Variants in ATP6V1A observed in about 807,000 individuals in gnomAD.
The protein encoded by ATP6V1A is V-type proton ATPase catalytic subunit A.
A neutral mutation model predicts 70.1 loss-of-function variants in ATP6V1A; 18 were observed. The observed-to-expected ratio is 0.26, with a 90% CI of 0.18 to 0.38. The LOEUF is 0.38. Ranked by LOEUF, ATP6V1A falls within the 10% of genes least tolerant of loss-of-function variation. The pLI is 1.00. For missense variants in ATP6V1A, 424 were observed against 772.4 expected, an observed-to-expected ratio of 0.55 and a Z score of 5.35; for synonymous variants, 232 against 253.8, an observed-to-expected ratio of 0.91 and a Z score of 0.82.
intron 12 of ATP6V1A, among the ~76,000 whole-genome samples, chr3:113,800,629 T>A (rs1178603729): frequency 1.3e-5 from 2 of 152,188 alleles, no homozygotes; most frequent in Non-Finnish European, 2.9e-5. Flanking sequence ...GATTCATAAT[T>A]TACGTGGGAA....
At position 113,780,861 on chromosome 3, in the gene ATP6V1A, C is replaced by T. The variant is rs1708969945; in HGVS notation, c.83-189C>T. Reference sequence around the variant, plus strand: ...TGTAAATAAATAATCTTTGGCTTACCTCTTTATATTATACACTAAAATATA... The same window carrying T: ...TGTAAATAAATAATCTTTGGCTTACTTCTTTATATTATACACTAAAATATA... On this transcript the variant is annotated intron_variant, in intron 2 of 14. Transcript: ENST00000273398. The T allele has an allele frequency of 3.0e-6, 4 of 1,331,490 alleles. No individual in the cohort carries two copies. The South Asian group carries it at 5.4e-5, about 18-fold the overall frequency. 82.5% of individuals were successfully genotyped at this position (1,331,490 alleles called of 1,614,324 possible). A position where few individuals can be genotyped will look rare whatever the true frequency, so the allele number is the denominator to read the frequency against.
chr3:113,762,772 G>A (rs919502077), intron 1 of ATP6V1A, among the ~76,000 whole-genome samples: 2 of 151,208 alleles, frequency 1.3e-5, no homozygotes, highest in Admixed American at 6.6e-5. Flanking sequence ...TACATTTTGT[G>A]GGGGGGGAAT....
chr3:113,781,491 C>T (rs1258766155), intron 3 of ATP6V1A, among the ~76,000 whole-genome samples: 1 of 151,920 alleles, frequency 6.6e-6, no homozygotes, highest in African/African-American at 2.4e-5. Context: ...GCACTCCAGC[C>T]TGGGCAACAG....
intron 1 of ATP6V1A, among the ~76,000 whole-genome samples, chr3:113,766,818 G>A (rs1708776908): frequency 6.6e-6 from 1 of 152,094 alleles, no homozygotes; most frequent in South Asian, 2.1e-4. Context: ...GCTTTCGATG[G>A]CAAAACAGCA....
intron 1 of ATP6V1A, among the ~76,000 whole-genome samples, chr3:113,753,150 A>G (rs1479797087): frequency 6.6e-6 from 1 of 152,224 alleles, no homozygotes; most frequent in Admixed American, 6.5e-5. Flanking sequence ...AAAAATATGG[A>G]TAAAACATGT....
At chr3:113,782,557 C>CACGTATATATATAT (rs1708988848) in intron 3 of ATP6V1A, among the ~76,000 whole-genome samples, 6 of 133,252 alleles carry the variant, frequency 4.5e-5, no homozygotes, top group Admixed American at 3.0e-4. Flanking sequence ...TATATATATA[C>CACGTATATATATAT]ATGTGTATAT....
chr3:113,765,762 CAAAAAA>C (rs398052207), intron 1 of ATP6V1A, among the ~76,000 whole-genome samples: 2 of 127,316 alleles, frequency 1.6e-5, no homozygotes, highest in Non-Finnish European at 3.4e-5. Flanking sequence ...ACTAAAAATA[CAAAAAA>C]AAAAAAAAGG....
intron 12 of ATP6V1A, among the ~76,000 whole-genome samples, chr3:113,800,563 G>GA (rs1709199992): frequency 6.6e-6 from 1 of 151,848 alleles, no homozygotes; most frequent in Non-Finnish European, 1.5e-5. Flanking sequence ...CTATTTGAAG[G>GA]AAAAAAACAA....
intron 1 of ATP6V1A, among the ~76,000 whole-genome samples, chr3:113,770,431 A>G (rs1362958348): frequency 6.6e-6 from 1 of 152,112 alleles, no homozygotes; most frequent in Admixed American, 6.5e-5. Context: ...TAATCCCAGC[A>G]CTTTGGGAGG....
At position 113,805,496 on chromosome 3, in the gene ATP6V1A, C is replaced by T; in HGVS notation, c.1732C>T (p.Leu578Phe). Residue 578 changes from leucine (L) to phenylalanine (F), a missense_variant, in exon 14 of 15, where the codon CTC becomes TTC. Physicochemically the swap from Leu to Phe is conservative, Grantham distance 22. This residue lies in a region of ATP6V1A where 127 missense variants were observed against 207.9 expected (regional missense o/e 0.61). Transcript: ENST00000273398. ...TATTCGTGAGCACATGGGAGACATC[C>T]TCTATAAACTTTCCTCCATGAAATT... is the stretch of plus-strand genomic sequence containing the variant. ...SIIREHMGDI[L>F]YKLSSMKFKD... 1.2e-6 allele frequency: 2 copies of T among 1,612,688 alleles called. No homozygotes were observed. Among genetic ancestry groups the T allele is most frequent in the Non-Finnish European group, 1.7e-6 (2 of 1,179,464 alleles).
At chr3:113,760,053 T>A (rs1708685499) in intron 1 of ATP6V1A, among the ~76,000 whole-genome samples, 1 of 152,222 alleles carries the variant, frequency 6.6e-6, no homozygotes, top group Admixed American at 6.5e-5. Context: ...AGCAGGCAGT[T>A]AATTTCTTAG....
At chr3:113,796,511 A>T (rs115413701) in intron 11 of ATP6V1A, among the ~76,000 whole-genome samples, 361 of 152,356 alleles carry the variant, frequency 2.4e-3, no homozygotes, top group African/African-American at 8.3e-3. Flanking sequence ...TCCAGGTGAA[A>T]GCAAGGCTGG....
chr3:113,776,508 ATT>A (rs1202199568), intron 1 of ATP6V1A, among the ~76,000 whole-genome samples: 2 of 152,166 alleles, frequency 1.3e-5, no homozygotes, highest in Non-Finnish European at 2.9e-5. Context: ...CATTTAAGTC[ATT>A]TTGTTTTGCT....
chr3:113,780,992 G>T, intron 2 of ATP6V1A, 58 bp from the exon 3 acceptor site: 1 of 1,531,612 alleles, frequency 6.5e-7, no homozygotes, highest in East Asian at 2.3e-5. Context: ...AATTATTTGT[G>T]ACTATTCACA....
chr3:113,752,467 T>C (rs924699961), intron 1 of ATP6V1A, among the ~76,000 whole-genome samples: 4 of 151,982 alleles, frequency 2.6e-5, no homozygotes, highest in African/African-American at 9.6e-5. Context: ...ATACCTTCTG[T>C]ATATTTGAAT....
chr3:113,793,642 T>G (rs551875726), intron 8 of ATP6V1A, among the ~76,000 whole-genome samples: 8 of 152,292 alleles, frequency 5.3e-5, no homozygotes, highest in African/African-American at 1.9e-4. Flanking sequence ...TATGTGGTAA[T>G]TATTGTGTTG....
chr3:113,765,892 A>C (rs1441293317), intron 1 of ATP6V1A, among the ~76,000 whole-genome samples: 1 of 151,998 alleles, frequency 6.6e-6, no homozygotes, highest in Non-Finnish European at 1.5e-5. Flanking sequence ...GCACCACTGC[A>C]CTCCAGCCTG....
intron 12 of ATP6V1A, among the ~76,000 whole-genome samples, chr3:113,798,940 G>A (rs1709181588): frequency 1.3e-5 from 2 of 152,084 alleles, no homozygotes; most frequent in Admixed American, 6.6e-5. Context: ...TCTTTGTCTG[G>A]TTTTGTTCTT....
At chr3:113,786,914 G>A (rs368957887) in intron 6 of ATP6V1A, among the ~76,000 whole-genome samples, 2 of 151,932 alleles carry the variant, frequency 1.3e-5, no homozygotes, top group African/African-American at 4.8e-5. Flanking sequence ...GAGTAGCTGG[G>A]ACCACAGGCA....
Sources: allele counts gnomAD v4.1 joint callset (sites outside exome capture counted in the v4.1 genomes callset), GRCh38; gene constraint gnomAD v4.1.1; regional missense constraint gnomAD v4.1.1; transcripts MANE v1.5; gene names NCBI Gene and HGNC (gene_info 2026-07-23, HGNC 2026-07-21).